NALF1: variants seen among roughly 807,000 people sequenced by gnomAD.
NALF1 encodes family with sequence similarity 155 member A.
In NALF1, 3 loss-of-function variants were observed where a neutral mutation model predicts 48.4. That is an observed-to-expected ratio of 0.06 (90% CI 0.03 to 0.16). The LOEUF is 0.16. Ranked by LOEUF, NALF1 falls within the 10% of genes least tolerant of loss-of-function variation. The pLI, the probability that NALF1 is intolerant of heterozygous loss-of-function variation, is 1.00. For synonymous variants in NALF1, 262 were observed against 245.7 expected (o/e 1.07, Z -0.62); for missense variants, 526 against 571.5 (o/e 0.92, Z 0.81).
chr13:107,547,019 T>A (rs779593466), intron 1 of NALF1, among the ~76,000 whole-genome samples: 97 of 152,220 alleles, frequency 6.4e-4, no homozygotes, highest in Non-Finnish European at 1.1e-3. Context: ...CAAGTGGAGA[T>A]AATACCTGTA....
At position 107,166,024 on chromosome 13, in the gene NALF1, G is replaced by C. The variant is rs1878651125; in HGVS notation, c.*4473C>G. 6.6e-6 allele frequency: 1 copy of C among 152,448 alleles called. No individual in the cohort carries two copies. Among genetic ancestry groups the C allele is most frequent in the Admixed American group, 6.6e-5 (1 of 15,266 alleles). The allele number at this position is 152,448 out of a possible 1,614,324, so 9.4% of individuals were successfully genotyped here. On this transcript the variant is annotated 3_prime_UTR_variant, in exon 3 of 3. Coordinates refer to ENST00000375915, the MANE Select transcript of NALF1 (RefSeq NM_001080396.3). Reference sequence around the variant, plus strand: ...GCAAGCGATGTGTGTGTGTGTGTGTGTGTGTGTGTGTGTGTGTATGTATAT... The same window carrying C: ...GCAAGCGATGTGTGTGTGTGTGTGTCTGTGTGTGTGTGTGTGTATGTATAT...
intron 1 of NALF1, among the ~76,000 whole-genome samples, chr13:107,572,521 G>A (rs1878018112): frequency 6.6e-6 from 1 of 152,122 alleles, no homozygotes; most frequent in South Asian, 2.1e-4. Flanking sequence ...TATTCTGTGA[G>A]TAACAAAATT....
intron 1 of NALF1, chr13:107,320,845 T>A (rs1185450489): frequency 1.3e-5 from 2 of 152,188 alleles, no homozygotes; most frequent in East Asian, 3.8e-4. Flanking sequence ...ATAAATTGTC[T>A]CAACAGGAGC....
chr13:107,274,756 ATGGACCCTTTAGTATTATAT>A (rs1021014383), intron 1 of NALF1, among the ~76,000 whole-genome samples: 1 of 152,160 alleles, frequency 6.6e-6, no homozygotes, highest in Non-Finnish European at 1.5e-5. Context: ...TTTTAGAAAG[ATGGACCCTTTAGTATTATAT>A]TGGCACACTG....
intron 1 of NALF1, among the ~76,000 whole-genome samples, chr13:107,691,631 C>A (rs1881570758): frequency 6.6e-6 from 1 of 152,170 alleles, no homozygotes; most frequent in African/African-American, 2.4e-5. Context: ...TCCATTTATA[C>A]TGTGCAATTT....
intron 1 of NALF1, among the ~76,000 whole-genome samples, chr13:107,494,392 A>C (rs915719114): frequency 2.0e-5 from 3 of 152,184 alleles, no homozygotes; most frequent in Admixed American, 2.0e-4. Context: ...AACAGAAAAA[A>C]GCAACAGAAT....
intron 1 of NALF1, among the ~76,000 whole-genome samples, chr13:107,707,247 A>G (rs1047634244): frequency 6.6e-6 from 1 of 152,180 alleles, no homozygotes; most frequent in Non-Finnish European, 1.5e-5. Context: ...ATATTATGTC[A>G]CTAGACATTT....
At chr13:107,556,706 G>A (rs568873885) in intron 1 of NALF1, among the ~76,000 whole-genome samples, 6 of 152,094 alleles carry the variant, frequency 3.9e-5, no homozygotes, top group Admixed American at 2.0e-4. Flanking sequence ...GGCTGGTTGC[G>A]AACTCCTGAC....
At chr13:107,218,455 C>T (rs1015597548) in intron 1 of NALF1, among the ~76,000 whole-genome samples, 3 of 152,084 alleles carry the variant, frequency 2.0e-5, no homozygotes, top group Admixed American at 6.5e-5. Context: ...AATGATGCCC[C>T]GCGATTGGTT....
intron 1 of NALF1, among the ~76,000 whole-genome samples, chr13:107,253,244 T>C (rs1880740859): frequency 6.6e-6 from 1 of 152,136 alleles, no homozygotes; most frequent in Non-Finnish European, 1.5e-5. Flanking sequence ...TTATTTCTTA[T>C]TTCCATTCAT....
intron 1 of NALF1, among the ~76,000 whole-genome samples, chr13:107,376,208 C>A (rs1000014198): frequency 6.6e-6 from 1 of 152,172 alleles, no homozygotes; most frequent in African/African-American, 2.4e-5. Context: ...CTCCAATCAA[C>A]CCTTCAAGTG....
intron 1 of NALF1, among the ~76,000 whole-genome samples, chr13:107,293,009 T>TTTTTTTTTTTA (rs1881655481): frequency 8.1e-5 from 11 of 135,906 alleles, no homozygotes; most frequent in Non-Finnish European, 1.2e-4. Flanking sequence ...TTTTTTTTTT[T>TTTTTTTTTTTA]GAGCTCTGTC....
Position 107,362,279 on chromosome 13 carries a change from G to A in NALF1, c.916-151524C>T, listed in dbSNP as rs373444076. 4.6e-5 allele frequency among the ~76,000 whole-genome samples: 7 copies of A among 152,116 alleles called. No individual in the cohort carries two copies. Among genetic ancestry groups the A allele is most frequent in the East Asian group, 3.9e-4 (2 of 5,186 alleles). ...AATAGTTGTATTCATTTTCTAGGGC[G>A]TGCTGTAACAAACTATGATCAACTG... On this transcript the variant is annotated intron_variant, in intron 1 of 2. Transcript: ENST00000375915. The surrounding 1 kb of genome is among the most constrained non-coding windows in gnomAD (Gnocchi z 4.6).
chr13:107,519,875 G>A (rs977760046), intron 1 of NALF1, among the ~76,000 whole-genome samples: 2 of 152,168 alleles, frequency 1.3e-5, no homozygotes, highest in African/African-American at 4.8e-5. Flanking sequence ...GTTAATTCTA[G>A]AGATAGTAAC....
At chr13:107,735,977 T>C (rs911239039) in intron 1 of NALF1, among the ~76,000 whole-genome samples, 7 of 152,226 alleles carry the variant, frequency 4.6e-5, no homozygotes, top group African/African-American at 1.7e-4. Flanking sequence ...GGCATTTGCC[T>C]CATTTTATCT....
intron 1 of NALF1, among the ~76,000 whole-genome samples, chr13:107,796,722 C>G (rs1878435636): frequency 6.6e-6 from 1 of 152,108 alleles, no homozygotes; most frequent in South Asian, 2.1e-4. Context: ...TCCCAACAGT[C>G]CCCATTCCAA....
chr13:107,606,944 A>C (rs1045554409), intron 1 of NALF1, among the ~76,000 whole-genome samples: 3 of 152,168 alleles, frequency 2.0e-5, no homozygotes, highest in Non-Finnish European at 4.4e-5. Flanking sequence ...CAAAGGTATC[A>C]TTTGCACTTT....
chr13:107,578,585 T>C (rs1194397647), intron 1 of NALF1, among the ~76,000 whole-genome samples: 1 of 152,202 alleles, frequency 6.6e-6, no homozygotes. Context: ...ACTCATTATA[T>C]ATTGCCTTGA....
At chr13:107,344,566 C>A (rs1483191378) in intron 1 of NALF1, among the ~76,000 whole-genome samples, 1 of 152,074 alleles carries the variant, frequency 6.6e-6, no homozygotes, top group Non-Finnish European at 1.5e-5. Flanking sequence ...CCACATCAAC[C>A]AAAGAACACA....
Sources: gnomAD v4.1 joint callset for allele counts (sites outside exome capture counted in the v4.1 genomes callset) on GRCh38, gnomAD v4.1.1 for gene constraint, Gnocchi (gnomAD v3.1) non-coding constraint, MANE v1.5 for transcripts, NCBI Gene and HGNC (gene_info 2026-07-23, HGNC 2026-07-21) for gene names.